The following CSPG5 variants were observed in gnomAD, a reference collection of about 807,000 sequenced individuals.
CSPG5 encodes the protein chondroitin sulfate proteoglycan 5.
CSPG5 carries 25 observed loss-of-function variants against 39.8 expected under a neutral mutation model. The observed-to-expected ratio is 0.63, with a 90% CI of 0.46 to 0.88. CSPG5 has a LOEUF of 0.88. Among genes scored for constraint, CSPG5 ranks in the 40% least tolerant of loss-of-function variants. The probability of loss-of-function intolerance (pLI) is 0.00; values close to 1 mark genes in which losing one functional copy is unlikely to be tolerated. For missense variants in CSPG5, 627 were observed against 702.2 expected, an observed-to-expected ratio of 0.89 and a Z score of 1.21; for synonymous variants, 295 against 303.9, an observed-to-expected ratio of 0.97 and a Z score of 0.31.
At chr3:47,566,330 TCTC>T (rs1464812845) in intron 4 of CSPG5, among the ~76,000 whole-genome samples, 16 of 152,108 alleles carry the variant, frequency 1.1e-4, no homozygotes, top group Non-Finnish European at 2.2e-4. Context: ...CCCCCTTGTC[TCTC>T]CTCCCGTATC....
chr3:47,567,308 G>A (rs557884965), intron 4 of CSPG5, among the ~76,000 whole-genome samples: 7 of 152,106 alleles, frequency 4.6e-5, no homozygotes, highest in Non-Finnish European at 1.0e-4. Context: ...AGCCCCCATA[G>A]CCCACCATCA....
At position 47,578,259 on chromosome 3, in the gene CSPG5, C is replaced by T. The variant is rs2031850885; in HGVS notation, c.98-331G>A. On this transcript the variant is annotated intron_variant, in intron 1 of 4. Coordinates refer to ENST00000264723, the MANE Select transcript of CSPG5 (RefSeq NM_006574.4). This position sits in a 1 kb window ranked among gnomAD's most constrained non-coding sequence, Gnocchi z 6.0. Reference sequence around the variant, plus strand: ...CTCGGGAACCCACCCTGAGCCGCGTCCACTGGCTCCCGCCCTCAGCTCCAG... The same window carrying T: ...CTCGGGAACCCACCCTGAGCCGCGTTCACTGGCTCCCGCCCTCAGCTCCAG... 3.5e-6 allele frequency: 1 copy of T among 284,538 alleles called. No individual in the cohort carries two copies. Among genetic ancestry groups the T allele is most frequent in the Admixed American group, 5.3e-5 (1 of 19,020 alleles). The allele number at this position is 284,538 out of a possible 1,614,324, so 17.6% of individuals were successfully genotyped here.
intron 4 of CSPG5, among the ~76,000 whole-genome samples, chr3:47,565,199 G>A (rs975314685): frequency 2.6e-4 from 39 of 152,086 alleles, no homozygotes; most frequent in African/African-American, 8.9e-4. Flanking sequence ...CTGAGCCCTC[G>A]AGGGCTCATG....
chr3:47,566,381 C>T (rs2031300770), intron 4 of CSPG5, among the ~76,000 whole-genome samples: 1 of 152,132 alleles, frequency 6.6e-6, no homozygotes, highest in African/African-American at 2.4e-5. Flanking sequence ...CTGCTGGCAC[C>T]CCTTGCAGGC....
chr3:47,576,895 G>A lies in CSPG5; in HGVS notation c.1131C>T (p.Phe377=). 1 of 1,600,194 alleles carries A rather than the reference G, an allele frequency of 6.2e-7. No homozygotes were observed. Among genetic ancestry groups the A allele is most frequent in the Non-Finnish European group, 8.5e-7 (1 of 1,171,650 alleles). Residue 377 remains phenylalanine, a synonymous_variant, in exon 2 of 5, where the codon TTC becomes TTT. Coordinates refer to ENST00000264723, the MANE Select transcript of CSPG5 (RefSeq NM_006574.4). ...NGSCRSVCDL[F]PSYCHNGGQC... The stretch of plus-strand genomic sequence containing the variant: ...GGCCGCCATTGTGACAGTAACTTGG[G>A]AAGAGGTCGCACACTGACCGGCAGG...
rs959257506 is a variant in CSPG5 at position 47,578,342 on chromosome 3, C to T, written c.97+255G>A. Among the ~76,000 whole-genome samples, 1 of 150,942 alleles carries T rather than the reference C, an allele frequency of 6.6e-6. No homozygotes were observed. The highest frequency in any genetic ancestry group is 1.5e-5 in the Non-Finnish European group (1 of 67,560). On this transcript the variant is annotated intron_variant, in intron 1 of 4. Coordinates refer to ENST00000264723, the MANE Select transcript of CSPG5 (RefSeq NM_006574.4). This position sits in a 1 kb window ranked among gnomAD's most constrained non-coding sequence, Gnocchi z 6.0. Reference sequence around the variant, plus strand: ...CCCCGGCCCCGCCCCGGCCCCGCCCCCGGCCCCGCCCCCAGTCCGCACCGC... The same window carrying T: ...CCCCGGCCCCGCCCCGGCCCCGCCCTCGGCCCCGCCCCCAGTCCGCACCGC...
At chr3:47,569,120 G>C (rs2031426081) in intron 4 of CSPG5, 32 bp downstream of exon 4, 13 of 1,593,302 alleles carry the variant, frequency 8.2e-6, no homozygotes, top group Middle Eastern at 1.7e-4. Flanking sequence ...ATGGGGGGAG[G>C]AGGTACGGGG....
At chr3:47,563,059 T>C (rs1387419384) in intron 4 of CSPG5, among the ~76,000 whole-genome samples, 2 of 152,198 alleles carry the variant, frequency 1.3e-5, no homozygotes, top group African/African-American at 2.4e-5. Flanking sequence ...AAGAGTCCCT[T>C]GGCCCAGGCG....
intron 4 of CSPG5, among the ~76,000 whole-genome samples, chr3:47,564,494 T>C (rs1037443960): frequency 2.6e-5 from 4 of 152,136 alleles, no homozygotes; most frequent in Admixed American, 1.3e-4. Flanking sequence ...ACATGATTTA[T>C]AGACAGGGGA....
intron 3 of CSPG5, 114 bp from the exon 4 acceptor site, chr3:47,569,341 C>T (rs751084576): frequency 9.2e-5 from 98 of 1,064,862 alleles, no homozygotes; most frequent in Middle Eastern, 2.1e-4. Context: ...TGGTGGCTCG[C>T]GCCTGTAATC....
At chr3:47,575,987 G>C (rs1391569143) in intron 2 of CSPG5, among the ~76,000 whole-genome samples, 1 of 138,104 alleles carries the variant, frequency 7.2e-6, no homozygotes, top group Non-Finnish European at 1.5e-5. Flanking sequence ...GCCCAGGCTA[G>C]AGTGCAATGG....
intron 4 of CSPG5, among the ~76,000 whole-genome samples, chr3:47,564,213 C>G (rs564237201): frequency 3.9e-5 from 6 of 152,234 alleles, no homozygotes; most frequent in Admixed American, 6.5e-5. Flanking sequence ...CCAGAGTGTT[C>G]TCCAGAGAAG....
chr3:47,562,788 G>T (rs1023043517), intron 4 of CSPG5, 27 bp from the exon 5 acceptor site: 4 of 1,547,236 alleles, frequency 2.6e-6, no homozygotes, highest in South Asian at 1.1e-5. Context: ...GTTGGGGGGG[G>T]GGAGACAATG....
At chr3:47,576,369 G>T (rs57048610) in intron 2 of CSPG5, among the ~76,000 whole-genome samples, 1 of 152,092 alleles carries the variant, frequency 6.6e-6, no homozygotes, top group African/African-American at 2.4e-5. Flanking sequence ...TTCTGTAGAA[G>T]AAGCCTGAGT....
chr3:47,576,726 C>T, intron 2 of CSPG5, 107 bp downstream of exon 2: 1 of 1,291,160 alleles, frequency 7.7e-7, no homozygotes, highest in Non-Finnish European at 1.1e-6. Flanking sequence ...TCCCAAAGTG[C>T]TGGGATTACA....
intron 2 of CSPG5, among the ~76,000 whole-genome samples, chr3:47,574,894 G>A (rs190640952): frequency 7.2e-5 from 11 of 152,232 alleles, no homozygotes; most frequent in Admixed American, 6.5e-4. Context: ...AGTCGAGATT[G>A]CACCACTGCA....
rs2031805977 is a variant in CSPG5, at chr3:47,577,534, A to G, written c.492T>C (p.Ala164=). 3 of 1,609,300 alleles carry G rather than the reference A, an allele frequency of 1.9e-6. No individual in the cohort carries two copies. The African/African-American group carries it at 4.0e-5, about 22-fold the overall frequency. Residue 164 remains alanine, a synonymous_variant, in exon 2 of 5, where the codon GCT becomes GCC. Transcript: ENST00000264723. The surrounding 1 kb of genome is among the most constrained non-coding windows in gnomAD (Gnocchi z 4.7). ...AGGGGCTCTCCTTGGGGAGTTCAGA[A>G]GCTGGGCTCAGCTTGTCGCCGGGGG... ...SPTPGDKLSP[A]SELPKESPLE... is the part of the protein sequence containing the mutation.
In CSPG5 at chr3:47,572,831, C is replaced by T; in HGVS notation, c.1237G>A (p.Glu413Lys). The change falls in exon 3 of 5, where the codon GAG becomes AAG. Residue 413 changes from glutamate (E) to lysine (K), a missense_variant. Transcript: ENST00000264723. This position sits in a 1 kb window ranked among gnomAD's most constrained non-coding sequence, Gnocchi z 4.5. ...ACCTGGAAGTCGGTGATGATGGACT[C>T]GCAGCGCATCCCCTTGTGCCAGATG... ...DYIWHKGMRC[E>K]SIITDFQVMC... is the part of the protein sequence containing the mutation. The T allele has an allele frequency of 2.5e-6, 4 of 1,613,980 alleles. No homozygotes were observed. Among genetic ancestry groups the T allele is most frequent in the Non-Finnish European group, 3.4e-6 (4 of 1,179,896 alleles).
At chr3:47,567,303 C>G (rs1323014013) in intron 4 of CSPG5, among the ~76,000 whole-genome samples, 7 of 152,060 alleles carry the variant, frequency 4.6e-5, no homozygotes. Context: ...CTGAGAGCCC[C>G]CATAGCCCAC....
Sources: gnomAD v4.1 joint callset for allele counts (sites outside exome capture counted in the v4.1 genomes callset) on GRCh38, gnomAD v4.1.1 for gene constraint, Gnocchi (gnomAD v3.1) non-coding constraint, MANE v1.5 for transcripts, NCBI Gene and HGNC (gene_info 2026-07-23, HGNC 2026-07-21) for gene names.